The following TSEN54 variants were observed in gnomAD, a reference collection of about 807,000 sequenced individuals.
TSEN54 encodes tRNA splicing endonuclease subunit 54, also known as tRNA-splicing endonuclease subunit Sen54.
TSEN54 carries 55 observed loss-of-function variants against 61.9 expected under a neutral mutation model. The observed-to-expected ratio is 0.89, with a 90% CI of 0.72 to 1.11. The LOEUF (loss-of-function observed/expected upper bound fraction) is 1.11. Ranked by LOEUF, TSEN54 falls within the 50% of genes most tolerant of loss-of-function variation. TSEN54 has a pLI of 0.00. For synonymous variants in TSEN54, 304 were observed against 288.7 expected (o/e 1.05, Z -0.54); for missense variants, 760 against 687.7 (o/e 1.11, Z -1.18).
chr17:75,519,093 C>T (rs2053402602), intron 6 of TSEN54, 46 bp downstream of exon 6: 3 of 1,605,416 alleles, frequency 1.9e-6, no homozygotes, highest in South Asian at 1.1e-5. Context: ...AGTCCTGGGA[C>T]CTGGCTGACT....
chr17:75,524,255 C>T lies in TSEN54; in HGVS notation c.1431-7C>T. 3 of 1,614,116 alleles carry T rather than the reference C, an allele frequency of 1.9e-6. No homozygotes were observed. The highest frequency in any genetic ancestry group is 2.2e-5 in the East Asian group (1 of 44,884). On this transcript the variant is annotated splice_region_variant and splice_polypyrimidine_tract_variant and intron_variant, in intron 10 of 10. Transcript: ENST00000333213. ...CTGGGTCTCACTCTAACCCTTTGTCCCTGCAGATTTGATGAGCCTGTCCCA... is the reference window on the plus strand; with the variant it reads ...CTGGGTCTCACTCTAACCCTTTGTCTCTGCAGATTTGATGAGCCTGTCCCA...
chr17:75,520,244 GTTTAA>G (rs1432098296), intron 6 of TSEN54, among the ~76,000 whole-genome samples: 3 of 152,164 alleles, frequency 2.0e-5, no homozygotes, highest in Admixed American at 1.3e-4. Context: ...GGGACTGAAT[GTTTAA>G]TTTCATTTAA....
intron 1 of TSEN54, 27 bp from the exon 2 acceptor site, chr17:75,516,719 C>T (rs764883369): frequency 7.4e-6 from 11 of 1,484,038 alleles, no homozygotes; most frequent in Non-Finnish European, 9.8e-6. Flanking sequence ...ATGCGCGGCG[C>T]TGACCCCGCG....
intron 1 of TSEN54, 29 bp from the exon 2 acceptor site, chr17:75,516,717 C>T: frequency 6.8e-7 from 1 of 1,477,924 alleles, no homozygotes; most frequent in East Asian, 2.8e-5. Context: ...CGATGCGCGG[C>T]GCTGACCCCG....
At chr17:75,522,506 G>T in intron 8 of TSEN54, 173 bp downstream of exon 8, 1 of 1,483,312 alleles carries the variant, frequency 6.7e-7, no homozygotes, top group Non-Finnish European at 9.0e-7. Flanking sequence ...GGCCTGTGTG[G>T]GAAGGCTTAG....
chr17:75,522,475 G>A lies in TSEN54; in HGVS notation c.1252+142G>A. 6 of 1,504,358 alleles carry A rather than the reference G, an allele frequency of 4.0e-6. No individual in the cohort carries two copies. The South Asian group carries it at 7.5e-5, about 19-fold the overall frequency. The allele number at this position is 1,504,358 out of a possible 1,614,324, so 93.2% of individuals were successfully genotyped here. A position where few individuals can be genotyped will look rare whatever the true frequency, so the allele number is the denominator to read the frequency against. On this transcript the variant is annotated intron_variant, in intron 8 of 10. Coordinates refer to ENST00000333213, the MANE Select transcript of TSEN54 (RefSeq NM_207346.3). ...GGGAGTGGACCCACAAGCACGGTCA[G>A]TTCTCCGGCGGCTGCAGCAGGGCCT...
At position 75,516,554 on chromosome 17, in the gene TSEN54, C is replaced by T. The variant is rs1444164925; in HGVS notation, c.-7C>T. On this transcript the variant is annotated 5_prime_UTR_variant, in exon 1 of 11. Transcript: ENST00000333213. ...TGGCGGCGCGCGCAGCGGCAGGCGGCGGCGGGATGGAGCCCGAGCCCGAGC... is the reference window on the plus strand; with the variant it reads ...TGGCGGCGCGCGCAGCGGCAGGCGGTGGCGGGATGGAGCCCGAGCCCGAGC... 6.2e-6 allele frequency: 7 copies of T among 1,122,364 alleles called. No homozygotes were observed. The highest frequency in any genetic ancestry group is 3.4e-5 in the African/African-American group (2 of 59,648). 69.5% of individuals were successfully genotyped at this position (1,122,364 alleles called of 1,614,324 possible).
In TSEN54 at chr17:75,522,044, G is replaced by C. The variant is rs1297235680; in HGVS notation, c.963G>C (p.Glu321Asp). ...CCCTTCTGCGCGCCCCAGCCCCAGA[G>C]CTGCTCCCGGCCAACGTGGCTGGGC... ...RHTLLRAPAP[E>D]LLPANVAGRE... is the part of the protein sequence containing the mutation. The change falls in exon 8 of 11, where the codon GAG becomes GAC. Residue 321 changes from glutamate to aspartate, a missense_variant. Physicochemically the swap from Glu to Asp is conservative, Grantham distance 45. Transcript: ENST00000333213. 1 of 1,589,894 alleles carries C rather than the reference G, an allele frequency of 6.3e-7. No homozygotes were observed. The highest frequency in any genetic ancestry group is 1.1e-5 in the South Asian group (1 of 87,846).
chr17:75,523,018 A>C (rs2053444967), intron 8 of TSEN54: 1 of 464,736 alleles, frequency 2.2e-6, no homozygotes, highest in Non-Finnish European at 4.0e-6. Context: ...ATCTCTACTA[A>C]AAATACAAAA....
At position 75,521,916 on chromosome 17, in the gene TSEN54, T is replaced by G. The variant is rs764031940; in HGVS notation, c.835T>G (p.Trp279Gly). Residue 279 changes from tryptophan (W) to glycine (G), a missense_variant, in exon 8 of 11, where the codon TGG (tryptophan) becomes GGG (glycine). Around this residue, in one of 3 missense-constraint regions of TSEN54, gnomAD observed 667 missense variants for 577.8 expected, o/e 1.15. Coordinates refer to ENST00000333213, the MANE Select transcript of TSEN54 (RefSeq NM_207346.3). ...GGCCAGGGAGGGGGTGGGGTGCAGC[T>G]GGGAGAGTGGCAGAGCCGAGAACGG... Reference protein sequence around the residue: ...GPAREGVGCSWESGRAENGVT... With the variant: ...GPAREGVGCSGESGRAENGVT... The G allele has an allele frequency of 6.2e-7, 1 of 1,610,056 alleles. No homozygotes were observed. The highest frequency in any genetic ancestry group is 1.1e-5 in the South Asian group (1 of 90,782).
intron 5 of TSEN54, 143 bp from the exon 6 acceptor site, chr17:75,518,852 G>A: frequency 1.3e-6 from 2 of 1,556,440 alleles, no homozygotes; most frequent in South Asian, 2.3e-5. Context: ...ATGAAGCATG[G>A]TCCAACCTTA....
chr17:75,517,300 C>T, intron 4 of TSEN54, 56 bp downstream of exon 4: 2 of 1,539,632 alleles, frequency 1.3e-6, no homozygotes, highest in African/African-American at 1.4e-5. Context: ...GGGAAGGACA[C>T]GTTTTATCGG....
At chr17:75,523,231 AT>A (rs995593531) in intron 8 of TSEN54, 43 bp from the exon 9 acceptor site, 4 of 1,613,814 alleles carry the variant, frequency 2.5e-6, no homozygotes, top group Non-Finnish European at 3.4e-6. Flanking sequence ...AGACTGAGAA[AT>A]GTGACTCCCC....
chr17:75,517,588 C>G lies in TSEN54; in HGVS notation c.401C>G (p.Pro134Arg). ...GSIHLFHQDL[P>R]LSIQEAYQLL... ...ATCCACCTCTTCCACCAAGACCTGC[C>G]ACTGTCTATCCAGGAAGCTTACCAG... Residue 134 changes from proline (P) to arginine (R), a missense_variant, in exon 5 of 11, where the codon CCA becomes CGA. Pro to Arg is a moderately radical substitution (Grantham distance 103, BLOSUM62 -2). Transcript: ENST00000333213. The G allele has an allele frequency of 6.2e-7, 1 of 1,614,016 alleles. No homozygotes were observed. The highest frequency in any genetic ancestry group is 8.5e-7 in the Non-Finnish European group (1 of 1,180,034).
rs1205347952 is a variant in TSEN54 at position 75,517,223 on chromosome 17, G to A, written c.348G>A (p.Glu116=). Residue 116 remains glutamate, a synonymous_variant, in exon 4 of 11, where the codon GAG becomes GAA. Coordinates refer to ENST00000333213, the MANE Select transcript of TSEN54 (RefSeq NM_207346.3). ...GCCGGCAGCGCCTTCACCCGGAAGA[G>A]GCCTTGTATCTTCTGGAGTGTGTAA... ...EQGRQRLHPE[E]ALYLLECGSI... The A allele has an allele frequency of 4.4e-6, 7 of 1,603,306 alleles. No individual in the cohort carries two copies. In the African/African-American group the frequency reaches 6.7e-5, roughly 15 times the overall value.
chr17:75,517,560 T>A lies in TSEN54; in HGVS notation c.373T>A (p.Ser125Thr), dbSNP rs760912997. 1.2e-6 allele frequency: 2 copies of A among 1,613,650 alleles called. No homozygotes were observed. The highest frequency in any genetic ancestry group is 1.7e-6 in the Non-Finnish European group (2 of 1,179,954). The change falls in exon 5 of 11, where the codon TCC becomes ACC. Residue 125 changes from serine (S) to threonine (T), a missense_variant. By Grantham distance (58) the Ser-to-Thr change is moderately conservative. Transcript: ENST00000333213. ...EEALYLLECG[S>T]IHLFHQDLPL... ...GAGCTGTTGGCCCCACTTCCAGGGCTCCATCCACCTCTTCCACCAAGACCT... is the reference window on the plus strand; with the variant it reads ...GAGCTGTTGGCCCCACTTCCAGGGCACCATCCACCTCTTCCACCAAGACCT...
At position 75,521,696 on chromosome 17, in the gene TSEN54, G is replaced by A. The variant is rs138719855; in HGVS notation, c.624-9G>A. The A allele has an allele frequency of 0.021, 34,322 of 1,612,748 alleles. 453 individuals carry two copies. The highest frequency in any genetic ancestry group is 0.026 in the Non-Finnish European group (30,760 of 1,179,646). On this transcript the variant is annotated splice_polypyrimidine_tract_variant and intron_variant, in intron 7 of 10. Transcript: ENST00000333213. ...GGCAGATGTGCTGCTTTTCCCCCAC[G>A]TCCCTCAGGTCCATTAATAAGAAGG...
At chr17:75,522,887 A>G (rs2147014642) in intron 8 of TSEN54, 1 of 307,732 alleles carries the variant, frequency 3.2e-6, no homozygotes, top group East Asian at 8.1e-5. Context: ...AAAAAAAAAA[A>G]AAATGTTGCT....
At position 75,522,137 on chromosome 17, in the gene TSEN54, A is replaced by G. The variant is rs550568159; in HGVS notation, c.1056A>G (p.Glu352=). Residue 352 remains glutamate (E), a synonymous_variant, in exon 8 of 11, where the codon GAA becomes GAG. Transcript: ENST00000333213. ...NQRKEKLSRR[E]REHHAEAAQF... ...GCAAGGAGAAGCTCTCCAGGCGGGAACGGGAGCACCACGCGGAGGCCGCGC... is the reference window on the plus strand; with the variant it reads ...GCAAGGAGAAGCTCTCCAGGCGGGAGCGGGAGCACCACGCGGAGGCCGCGC... 1.8e-5 allele frequency: 28 copies of G among 1,565,160 alleles called. No homozygotes were observed. In the African/African-American group the frequency reaches 1.9e-4, roughly 11 times the overall value.
Sources: allele counts gnomAD v4.1 joint callset (sites outside exome capture counted in the v4.1 genomes callset), GRCh38; gene constraint gnomAD v4.1.1; regional missense constraint gnomAD v4.1.1; transcripts MANE v1.5; gene names NCBI Gene and HGNC (gene_info 2026-07-23, HGNC 2026-07-21).